The following YWHAB variants were observed in gnomAD, a reference collection of about 807,000 sequenced individuals.
The protein encoded by YWHAB is tyrosine 3-monooxygenase/tryptophan 5-monooxygenase activation protein beta.
YWHAB carries 2 observed loss-of-function variants against 28.5 expected under a neutral mutation model. That is an observed-to-expected ratio of 0.07 (90% CI 0.03 to 0.22). The LOEUF (loss-of-function observed/expected upper bound fraction) is 0.22. Among genes scored for constraint, YWHAB ranks in the 10% least tolerant of loss-of-function variants. The probability of loss-of-function intolerance (pLI) is 1.00; values close to 1 mark genes in which losing one functional copy is unlikely to be tolerated. For synonymous variants in YWHAB, 103 were observed against 104.7 expected (o/e 0.98, Z 0.10); for missense variants, 148 against 297.1 (o/e 0.50, Z 3.69).
At position 44,900,375 on chromosome 20, in the gene YWHAB, AC is replaced by A. The variant is rs2066619523; in HGVS notation, c.-3-1154del. On this transcript the variant is annotated intron_variant, in intron 1 of 5. Coordinates refer to ENST00000353703, the MANE Select transcript of YWHAB (RefSeq NM_139323.4). ...CGAAGCTCTCAGGTTAAGTGATTTA[AC>A]CAAGGTCATGCCACTTGTAAGTAAG... Among the ~76,000 whole-genome samples, 4 of 152,292 alleles carry A rather than the reference AC, an allele frequency of 2.6e-5. No homozygotes were observed. The East Asian group carries it at 7.7e-4, about 29-fold the overall frequency.
chr20:44,902,978 T>G (rs1214349871), intron 2 of YWHAB: 8 of 908,334 alleles, frequency 8.8e-6, no homozygotes, highest in Non-Finnish European at 1.1e-5. Flanking sequence ...TAGACCAACT[T>G]TTAAGAGCAT....
intron 5 of YWHAB, 119 bp from the exon 6 acceptor site, chr20:44,906,263 T>A: frequency 8.3e-7 from 1 of 1,205,292 alleles, no homozygotes. Context: ...ATCATCCCTG[T>A]CTGCAGTGAC....
chr20:44,901,669 C>G lies in YWHAB; in HGVS notation c.136C>G (p.Leu46Val). ...HELSNEERNLLSVAYKNVVGA... is the reference protein window; with the variant it reads ...HELSNEERNLVSVAYKNVVGA... Reference sequence around the variant, plus strand: ...ACTCTCCAACGAAGAGAGAAATCTGCTCTCTGTTGCCTACAAGAATGTGGT... The same window carrying G: ...ACTCTCCAACGAAGAGAGAAATCTGGTCTCTGTTGCCTACAAGAATGTGGT... The change falls in exon 2 of 6, where the codon CTC becomes GTC. Residue 46 changes from leucine (L) to valine (V), a missense_variant. Leu to Val is a conservative substitution (Grantham distance 32, BLOSUM62 1). Transcript: ENST00000353703. 6.2e-7 allele frequency: 1 copy of G among 1,613,838 alleles called. No individual in the cohort carries two copies. Among genetic ancestry groups the G allele is most frequent in the Non-Finnish European group, 8.5e-7 (1 of 1,179,938 alleles).
intron 1 of YWHAB, among the ~76,000 whole-genome samples, chr20:44,897,003 G>C (rs979339677): frequency 6.6e-6 from 1 of 152,188 alleles, no homozygotes; most frequent in African/African-American, 2.4e-5. Flanking sequence ...ATCTTGCCAT[G>C]ATGGTTCTCA....
Position 44,908,503 on chromosome 20 carries a change from TAAA to T in YWHAB, c.*2068_*2070del, listed in dbSNP as rs1399168021. On this transcript the variant is annotated 3_prime_UTR_variant, in exon 6 of 6. Coordinates refer to ENST00000353703, the MANE Select transcript of YWHAB (RefSeq NM_139323.4). Reference sequence around the variant, plus strand: ...AAAGTGTAAAAATTCAAAAGTGAAATAAAAATTTTATCAGTTAGTTGCCTGTGA... The same window carrying T: ...AAAGTGTAAAAATTCAAAAGTGAAATAATTTTATCAGTTAGTTGCCTGTGA... 1 of 152,584 alleles carries T rather than the reference TAAA, an allele frequency of 6.6e-6. No homozygotes were observed. Among genetic ancestry groups the T allele is most frequent in the African/African-American group, 2.4e-5 (1 of 41,472 alleles). The allele number at this position is 152,584 out of a possible 1,614,324, so 9.5% of individuals were successfully genotyped here.
chr20:44,898,987 A>G (rs3092229), intron 1 of YWHAB, among the ~76,000 whole-genome samples: 39,950 of 151,824 alleles, frequency 0.26, 5,464 homozygotes, highest in Admixed American at 0.33. Context: ...GTGGTGGTGC[A>G]TGCCAGCAGT....
intron 1 of YWHAB, among the ~76,000 whole-genome samples, chr20:44,897,912 A>G (rs937647037): frequency 5.3e-5 from 8 of 152,158 alleles, no homozygotes; most frequent in Admixed American, 3.9e-4. Flanking sequence ...GTCTTGCACT[A>G]TACAGTCACC....
At position 44,907,459 on chromosome 20, in the gene YWHAB, A is replaced by G. The variant is rs1299110576; in HGVS notation, c.*1021A>G. On this transcript the variant is annotated 3_prime_UTR_variant, in exon 6 of 6. Coordinates refer to ENST00000353703, the MANE Select transcript of YWHAB (RefSeq NM_139323.4). Reference sequence around the variant, plus strand: ...TAGCGAGACCTCATCTCCAAAAAAGAAAACAAAAAACAAAAAAAGGAATGA... The same window carrying G: ...TAGCGAGACCTCATCTCCAAAAAAGGAAACAAAAAACAAAAAAAGGAATGA... 6.6e-6 allele frequency: 1 copy of G among 152,226 alleles called. No individual in the cohort carries two copies. Among genetic ancestry groups the G allele is most frequent in the East Asian group, 1.9e-4 (1 of 5,198 alleles). The allele number at this position is 152,226 out of a possible 1,614,324, so 9.4% of individuals were successfully genotyped here.
intron 1 of YWHAB, among the ~76,000 whole-genome samples, chr20:44,897,228 A>G (rs994103621): frequency 6.6e-6 from 1 of 152,232 alleles, no homozygotes; most frequent in African/African-American, 2.4e-5. Context: ...GTAGAGCTGA[A>G]GAGGTTGATG....
intron 3 of YWHAB, 58 bp from the exon 4 acceptor site, chr20:44,904,910 C>A: frequency 6.7e-7 from 1 of 1,489,268 alleles, no homozygotes; most frequent in South Asian, 1.4e-5. Flanking sequence ...ATAGTTGGTC[C>A]AATGTGTGAT....
At chr20:44,887,048 CAG>C (rs1309174185) in intron 1 of YWHAB, 3 of 152,326 alleles carry the variant, frequency 2.0e-5, no homozygotes, top group African/African-American at 7.2e-5. Context: ...AAGCCAGACA[CAG>C]ATGCAGTTTG....
intron 1 of YWHAB, among the ~76,000 whole-genome samples, chr20:44,894,725 T>G (rs1371895496): frequency 6.6e-6 from 1 of 152,236 alleles, no homozygotes; most frequent in Non-Finnish European, 1.5e-5. Flanking sequence ...ATTCTTTAAT[T>G]CCCTGCGCCT....
At chr20:44,892,320 CTCTTTT>C (rs936877947) in intron 1 of YWHAB, among the ~76,000 whole-genome samples, 2 of 152,130 alleles carry the variant, frequency 1.3e-5, no homozygotes, top group South Asian at 2.1e-4. Flanking sequence ...TTAATAACAT[CTCTTTT>C]TAAGTCACGA....
intron 1 of YWHAB, among the ~76,000 whole-genome samples, chr20:44,887,921 T>C (rs1180570349): frequency 6.6e-6 from 1 of 152,242 alleles, no homozygotes; most frequent in African/African-American, 2.4e-5. Context: ...TATTAATGGC[T>C]TTTTCTCTCC....
chr20:44,898,977 G>A (rs1026528662), intron 1 of YWHAB, among the ~76,000 whole-genome samples: 5 of 151,836 alleles, frequency 3.3e-5, no homozygotes, highest in Non-Finnish European at 7.4e-5. Flanking sequence ...TCAGCCGAGT[G>A]TGGTGGTGCA....
At chr20:44,905,214 T>C in intron 4 of YWHAB, 83 bp downstream of exon 4, 2 of 1,432,504 alleles carry the variant, frequency 1.4e-6, no homozygotes, top group South Asian at 1.4e-5. Flanking sequence ...AACATACTCA[T>C]TGTCTTGGAC....
At chr20:44,905,920 T>A (rs577867752) in intron 4 of YWHAB, 81 bp from the exon 5 acceptor site, 1 of 1,040,472 alleles carries the variant, frequency 9.6e-7, no homozygotes, top group East Asian at 2.4e-5. Context: ...AGATAAGTTA[T>A]ATTCACCTAG....
intron 1 of YWHAB, among the ~76,000 whole-genome samples, chr20:44,890,615 A>T (rs1028385150): frequency 3.3e-5 from 5 of 150,928 alleles, no homozygotes; most frequent in African/African-American, 1.2e-4. Context: ...GGTTCAAGCA[A>T]TTCTCCTGCC....
At chr20:44,890,483 A>G (rs1260611432) in intron 1 of YWHAB, among the ~76,000 whole-genome samples, 1 of 150,686 alleles carries the variant, frequency 6.6e-6, no homozygotes, top group African/African-American at 2.4e-5. Context: ...GTCCAAAGAT[A>G]CAAGTCTGGA....
Sources: allele counts gnomAD v4.1 joint callset (sites outside exome capture counted in the v4.1 genomes callset), GRCh38; gene constraint gnomAD v4.1.1; transcripts MANE v1.5; gene names NCBI Gene and HGNC (gene_info 2026-07-23, HGNC 2026-07-21).